ZSWIM6: variants seen among roughly 807,000 people sequenced by gnomAD.
ZSWIM6 encodes the protein zinc finger SWIM-type containing 6.
ZSWIM6 carries 9 observed loss-of-function variants against 113.2 expected under a neutral mutation model. That is an observed-to-expected ratio of 0.08 (90% confidence interval 0.05 to 0.14). The LOEUF is 0.14. ZSWIM6 is among the 10% of genes least tolerant of loss of function. The pLI, the probability that ZSWIM6 is intolerant of heterozygous loss-of-function variation, is 1.00. For missense variants in ZSWIM6, 1,162 were observed against 1,552.2 expected, an observed-to-expected ratio of 0.75 and a Z score of 4.22; for synonymous variants, 611 against 606.5, an observed-to-expected ratio of 1.01 and a Z score of -0.11.
At position 61,332,729 on chromosome 5, in the gene ZSWIM6, G is replaced by T; in HGVS notation, c.457G>T (p.Gly153Cys). 1.0e-6 allele frequency: 1 copy of T among 966,872 alleles called. No homozygotes were observed. Among genetic ancestry groups the T allele is most frequent in the Non-Finnish European group, 1.2e-6 (1 of 818,682 alleles). 59.9% of individuals were successfully genotyped at this position (966,872 alleles called of 1,614,324 possible). Residue 153 changes from glycine (G) to cysteine (C), a missense_variant, in exon 1 of 14, where the codon GGC (glycine) becomes TGC (cysteine). Coordinates refer to ENST00000252744, the MANE Select transcript of ZSWIM6 (RefSeq NM_020928.2). ...CGGCGGCGCGGGCGGCGGCGGCGGC[G>T]GCGGCTCCTCGTCTTCCCCGGCCGC... ...GGGGAGGGGG[G>C]GSSSSPAATS...
At chr5:61,506,223 TA>T (rs1468539901) in intron 4 of ZSWIM6, among the ~76,000 whole-genome samples, 2 of 152,174 alleles carry the variant, frequency 1.3e-5, no homozygotes, top group African/African-American at 2.4e-5. Context: ...AAAATTTTCC[TA>T]GAAATGTTTT....
At chr5:61,403,715 T>C (rs1292841673) in intron 1 of ZSWIM6, among the ~76,000 whole-genome samples, 1 of 152,216 alleles carries the variant, frequency 6.6e-6, no homozygotes, top group Non-Finnish European at 1.5e-5. Context: ...TACAAAATAA[T>C]GTATGCTTAG....
At chr5:61,542,530 T>C (rs992585659) in intron 13 of ZSWIM6, among the ~76,000 whole-genome samples, 1 of 152,196 alleles carries the variant, frequency 6.6e-6, no homozygotes, top group African/African-American at 2.4e-5. Flanking sequence ...TTAAAATAAA[T>C]AGTGGTTAAA....
At chr5:61,519,303 C>T (rs1749047901) in intron 4 of ZSWIM6, among the ~76,000 whole-genome samples, 1 of 152,178 alleles carries the variant, frequency 6.6e-6, no homozygotes, top group Non-Finnish European at 1.5e-5. Context: ...CCCGTTTCCA[C>T]CTCCTGGTTT....
At chr5:61,513,863 T>C (rs2112248907) in intron 4 of ZSWIM6, among the ~76,000 whole-genome samples, 1 of 152,242 alleles carries the variant, frequency 6.6e-6, no homozygotes, top group African/African-American at 2.4e-5. Context: ...TACTGTTGCT[T>C]TATAGGAAGT....
chr5:61,538,723 C>A (rs1223041363), intron 10 of ZSWIM6, 91 bp from the exon 11 acceptor site: 6 of 1,391,800 alleles, frequency 4.3e-6, no homozygotes, highest in Non-Finnish European at 5.8e-6. Flanking sequence ...GAACATCTAC[C>A]CACTCCTCTG....
chr5:61,363,853 TTTCC>T (rs527955472), intron 1 of ZSWIM6, among the ~76,000 whole-genome samples: 1,524 of 148,520 alleles, frequency 0.01, 12 homozygotes, highest in Non-Finnish European at 0.017. Flanking sequence ...TCCCTTTCCT[TTTCC>T]TTCCTTCCTT....
intron 12 of ZSWIM6, 64 bp from the exon 13 acceptor site, chr5:61,541,820 C>A: frequency 1.5e-6 from 2 of 1,351,786 alleles, no homozygotes; most frequent in Non-Finnish European, 2.1e-6. Context: ...TAGTTTATCC[C>A]CCCCCTTTTT....
intron 3 of ZSWIM6, among the ~76,000 whole-genome samples, chr5:61,492,832 A>G (rs1352491388): frequency 6.6e-6 from 1 of 152,038 alleles, no homozygotes; most frequent in African/African-American, 2.4e-5. Context: ...TCTATTCTAG[A>G]TTTGGGCTGC....
chr5:61,474,101 A>G (rs376628026), intron 2 of ZSWIM6, among the ~76,000 whole-genome samples: 3 of 152,216 alleles, frequency 2.0e-5, no homozygotes, highest in East Asian at 3.8e-4. Context: ...TTCAGTCACA[A>G]GTTCCTTTCT....
chr5:61,363,574 T>C (rs567561921), intron 1 of ZSWIM6, among the ~76,000 whole-genome samples: 14 of 152,274 alleles, frequency 9.2e-5, no homozygotes, highest in African/African-American at 3.1e-4. Context: ...GGTATCATAT[T>C]ACGGAAACTT....
chr5:61,523,942 G>A (rs1749208740), intron 5 of ZSWIM6, among the ~76,000 whole-genome samples: 2 of 152,292 alleles, frequency 1.3e-5, no homozygotes, highest in South Asian at 2.1e-4. Context: ...TATAAAAATG[G>A]AATCATGTTA....
intron 1 of ZSWIM6, among the ~76,000 whole-genome samples, chr5:61,334,421 G>A (rs772901433): frequency 1.3e-5 from 2 of 152,196 alleles, no homozygotes; most frequent in African/African-American, 2.4e-5. Flanking sequence ...AATGAATGGG[G>A]ATAGATTTGG....
At chr5:61,535,417 A>ATATGCTTTACAAGAAGTGTTAGT (rs1394616654) in intron 9 of ZSWIM6, 67 bp from the exon 10 acceptor site, 61 of 1,515,946 alleles carry the variant, frequency 4.0e-5, no homozygotes, top group Non-Finnish European at 4.9e-5. Context: ...CATTTTAACA[A>ATATGCTTTACAAGAAGTGTTAGT]TATGCTTTAC....
intron 1 of ZSWIM6, among the ~76,000 whole-genome samples, chr5:61,350,293 CAGAA>C (rs957702663): frequency 7.9e-5 from 12 of 152,182 alleles, no homozygotes; most frequent in African/African-American, 2.7e-4. Context: ...TCTTGTTTCT[CAGAA>C]GGAAGAGGGC....
chr5:61,389,421 G>C (rs143449384), intron 1 of ZSWIM6, among the ~76,000 whole-genome samples: 1 of 151,552 alleles, frequency 6.6e-6, no homozygotes, highest in African/African-American at 2.4e-5. Context: ...TGGGCATGGT[G>C]GTGGGTGCCT....
intron 1 of ZSWIM6, among the ~76,000 whole-genome samples, chr5:61,336,879 A>G (rs993717578): frequency 2.6e-5 from 4 of 152,252 alleles, no homozygotes; most frequent in African/African-American, 9.7e-5. Flanking sequence ...ACTTACAAAA[A>G]TTGTCAAGAA....
At position 61,446,147 on chromosome 5, in the gene ZSWIM6, C is replaced by T. The variant is rs1435595061; in HGVS notation, c.677-26534C>T. The stretch of plus-strand genomic sequence containing the variant: ...GTTCAAGTGATTCTCCTGCCTCAGC[C>T]TCCTGAGAAGCTGGGACTACAGACG... On this transcript the variant is annotated intron_variant, in intron 1 of 13. Transcript: ENST00000252744. 6.6e-5 allele frequency among the ~76,000 whole-genome samples: 10 copies of T among 152,302 alleles called. No homozygotes were observed. In the East Asian group the frequency reaches 1.7e-3, roughly 26 times the overall value.
chr5:61,339,581 TA>T (rs1011372050), intron 1 of ZSWIM6, among the ~76,000 whole-genome samples: 3 of 152,212 alleles, frequency 2.0e-5, no homozygotes, highest in African/African-American at 4.8e-5. Context: ...GAAATTTTTA[TA>T]GGGGCAATCA....
Sources: gnomAD v4.1 joint callset for allele counts (sites outside exome capture counted in the v4.1 genomes callset) on GRCh38, gnomAD v4.1.1 for gene constraint, MANE v1.5 for transcripts, NCBI Gene and HGNC (gene_info 2026-07-23, HGNC 2026-07-21) for gene names.